Variants in MCTP2 observed in about 807,000 individuals in gnomAD.
MCTP2 encodes multiple C2 and transmembrane domain containing 2, also known as multiple C2 and transmembrane domain-containing protein 2.
In MCTP2, 132 loss-of-function variants were observed where a neutral mutation model predicts 111.6. The ratio of observed to expected loss-of-function variants is 1.18; its 90% CI spans 1.03 to 1.37. The LOEUF (loss-of-function observed/expected upper bound fraction) is 1.37, where lower values mean the gene tolerates loss of function less well. Ranked by LOEUF, MCTP2 falls within the 40% of genes most tolerant of loss-of-function variation. The probability of loss-of-function intolerance (pLI) is 0.00; values close to 1 mark genes in which losing one functional copy is unlikely to be tolerated. For synonymous variants in MCTP2, 395 were observed against 387.7 expected (o/e 1.02, Z -0.22); for missense variants, 1,183 against 1,067.9 (o/e 1.11, Z -1.50).
At chr15:94,248,508 C>T (rs2072177172) in intron 1 of MCTP2, among the ~76,000 whole-genome samples, 1 of 152,180 alleles carries the variant, frequency 6.6e-6, no homozygotes, top group African/African-American at 2.4e-5. Context: ...TCAGGTAAGC[C>T]TAGAGCTTTG....
At chr15:94,372,865 G>T (rs111615251) in intron 12 of MCTP2, among the ~76,000 whole-genome samples, 3 of 152,010 alleles carry the variant, frequency 2.0e-5, no homozygotes, top group African/African-American at 7.2e-5. Context: ...GGAACCTTTC[G>T]TTCTTTCTGC....
chr15:94,320,909 A>G (rs1210492553), intron 4 of MCTP2, among the ~76,000 whole-genome samples: 1 of 152,204 alleles, frequency 6.6e-6, no homozygotes, highest in African/African-American at 2.4e-5. Flanking sequence ...GATTTGGTCT[A>G]CTACTTGGCT....
intron 12 of MCTP2, among the ~76,000 whole-genome samples, chr15:94,380,300 A>T (rs747708135): frequency 1.3e-5 from 2 of 152,178 alleles, no homozygotes; most frequent in Non-Finnish European, 2.9e-5. Context: ...TGAAATGGAA[A>T]CAACTCAGTT....
At chr15:94,312,695 G>A (rs1166479709) in intron 2 of MCTP2, among the ~76,000 whole-genome samples, 1 of 152,138 alleles carries the variant, frequency 6.6e-6, no homozygotes, top group African/African-American at 2.4e-5. Flanking sequence ...AGAACCTTAG[G>A]GCCTCTTTGT....
intron 8 of MCTP2, among the ~76,000 whole-genome samples, chr15:94,349,352 C>T (rs1039886806): frequency 6.6e-6 from 1 of 152,138 alleles, no homozygotes; most frequent in Admixed American, 6.5e-5. Flanking sequence ...CAGTTTGCCC[C>T]AAAACCTCTC....
intron 17 of MCTP2, among the ~76,000 whole-genome samples, chr15:94,415,371 A>G (rs1215443698): frequency 1.3e-5 from 2 of 151,860 alleles, no homozygotes; most frequent in African/African-American, 4.8e-5. Context: ...GCAATAAGAG[A>G]TGTTATTTAC....
intron 1 of MCTP2, among the ~76,000 whole-genome samples, chr15:94,294,075 C>T (rs1192427492): frequency 1.3e-5 from 2 of 152,058 alleles, no homozygotes; most frequent in Non-Finnish European, 2.9e-5. Context: ...CTGGATGAAT[C>T]TCAAAGGTAA....
intron 3 of MCTP2, chr15:94,314,638 C>T: frequency 1.9e-6 from 1 of 522,828 alleles, no homozygotes; most frequent in South Asian, 1.8e-5. Context: ...CAAAAGAAGG[C>T]TGTCAAGGGT....
At chr15:94,430,393 TCACACACACACACACA>T (rs35129445) in intron 17 of MCTP2, among the ~76,000 whole-genome samples, 260 of 107,196 alleles carry the variant, frequency 2.4e-3, no homozygotes, top group South Asian at 4.7e-3. Context: ...CCAAAAACAA[TCACACACACACACACA>T]CACACACACA....
intron 7 of MCTP2, chr15:94,342,338 G>A (rs1005512858): frequency 5.3e-5 from 8 of 152,064 alleles, no homozygotes; most frequent in Non-Finnish European, 1.2e-4. Flanking sequence ...GTTAATACTA[G>A]ACTCAGCTTG....
At chr15:94,270,634 C>G (rs1380522929) in intron 1 of MCTP2, among the ~76,000 whole-genome samples, 1 of 152,144 alleles carries the variant, frequency 6.6e-6, no homozygotes, top group Non-Finnish European at 1.5e-5. Context: ...TACCCCCTAT[C>G]CCCCTCTCCT....
intron 17 of MCTP2, among the ~76,000 whole-genome samples, chr15:94,406,200 G>A (rs2081888321): frequency 6.6e-6 from 1 of 152,088 alleles, no homozygotes; most frequent in Admixed American, 6.5e-5. Context: ...TATAAATTTA[G>A]TTCTCACAAC....
At chr15:94,414,294 G>C (rs1301249752) in intron 17 of MCTP2, among the ~76,000 whole-genome samples, 1 of 152,064 alleles carries the variant, frequency 6.6e-6, no homozygotes, top group Non-Finnish European at 1.5e-5. Context: ...GGCAGAAAAA[G>C]AAAGAAAAGA....
intron 1 of MCTP2, among the ~76,000 whole-genome samples, chr15:94,256,770 A>G (rs1273220692): frequency 6.6e-6 from 1 of 152,194 alleles, no homozygotes; most frequent in African/African-American, 2.4e-5. Context: ...ATTTCCAGCA[A>G]TGCTGAAATC....
chr15:94,477,719 T>TAG (rs1417375790), intron 22 of MCTP2, among the ~76,000 whole-genome samples: 2 of 152,196 alleles, frequency 1.3e-5, no homozygotes, highest in Admixed American at 1.3e-4. Context: ...GGAAAAGCCT[T>TAG]AGAGTTTCTT....
At position 94,402,578 on chromosome 15, in the gene MCTP2, C is replaced by G. The variant is rs1246114872; in HGVS notation, c.2085+559C>G. The stretch of plus-strand genomic sequence containing the variant: ...TATGAGCATAATAAAATCGCAGAAT[C>G]AAAGCGCTGCAAGAGATCTTAAAAC... On this transcript the variant is annotated intron_variant, in intron 17 of 22. Coordinates refer to ENST00000357742, the MANE Select transcript of MCTP2 (RefSeq NM_001385001.1). The G allele has an allele frequency of 1.7e-5, 26 of 1,551,534 alleles. No individual in the cohort carries two copies. In the East Asian group the frequency reaches 4.4e-4, roughly 26 times the overall value.
intron 4 of MCTP2, among the ~76,000 whole-genome samples, chr15:94,327,443 C>T (rs759021799): frequency 7.9e-5 from 12 of 152,298 alleles, no homozygotes; most frequent in East Asian, 1.9e-4. Context: ...TTCTCTTGTT[C>T]GGCATCAGCT....
chr15:94,337,696 C>A (rs1474293464), intron 4 of MCTP2, among the ~76,000 whole-genome samples: 4 of 152,018 alleles, frequency 2.6e-5, no homozygotes, highest in Non-Finnish European at 5.9e-5. Context: ...CGCGCGCATG[C>A]ACGCGCGTGT....
intron 10 of MCTP2, among the ~76,000 whole-genome samples, chr15:94,364,065 A>AC (rs78303372): frequency 9.7e-5 from 8 of 82,442 alleles, no homozygotes; most frequent in Non-Finnish European, 2.0e-4. Context: ...AAAAATTTAC[A>AC]TTAAAAAAAA....
Sources: allele counts gnomAD v4.1 joint callset (sites outside exome capture counted in the v4.1 genomes callset), GRCh38; gene constraint gnomAD v4.1.1; transcripts MANE v1.5; gene names NCBI Gene and HGNC (gene_info 2026-07-23, HGNC 2026-07-21).